The following SYNDIG1 variants were observed in gnomAD, a reference collection of about 807,000 sequenced individuals.
SYNDIG1 encodes the protein synapse differentiation inducing 1, also known as synapse differentiation-inducing gene protein 1.
SYNDIG1 carries 9 observed loss-of-function variants against 19.4 expected under a neutral mutation model. The ratio of observed to expected loss-of-function variants is 0.46; its 90% confidence interval spans 0.28 to 0.81. SYNDIG1 has a LOEUF of 0.81. Among genes scored for constraint, SYNDIG1 ranks in the 30% least tolerant of loss-of-function variants. The pLI, the probability that SYNDIG1 is intolerant of heterozygous loss-of-function variation, is 0.12. For synonymous variants in SYNDIG1, 141 were observed against 145.9 expected, an observed-to-expected ratio of 0.97 and a Z score of 0.24; for missense variants, 311 against 343.3, an observed-to-expected ratio of 0.91 and a Z score of 0.74.
rs772546333 is a variant in SYNDIG1, at chr20:24,543,362, CCCA to C, written c.266_268del (p.Pro89_Asn90delinsHis). On this transcript the variant is annotated inframe_deletion, in exon 2 of 4. Transcript: ENST00000376862. The stretch of plus-strand genomic sequence containing the variant: ...GCAGTCAGTGGAGTCCCGCTACCGG[CCCA>C]ACATCATCCTCTATTCAGAGGGCGT... The C allele has an allele frequency of 4.3e-6, 7 of 1,613,526 alleles. No homozygotes were observed. The African/African-American group carries it at 6.7e-5, about 15-fold the overall frequency.
intron 2 of SYNDIG1, among the ~76,000 whole-genome samples, chr20:24,577,734 A>G (rs6114782): frequency 0.03 from 4,610 of 152,304 alleles, 171 homozygotes; most frequent in African/African-American, 0.09. Flanking sequence ...TGGAGCCACC[A>G]TAAATAAGAC....
chr20:24,471,475 T>G (rs913107892), intron 1 of SYNDIG1, among the ~76,000 whole-genome samples: 2 of 151,100 alleles, frequency 1.3e-5, no homozygotes, highest in African/African-American at 4.9e-5. Context: ...AATTCCTCCC[T>G]CCCCTCTCTC....
chr20:24,481,493 A>C (rs560353111), intron 1 of SYNDIG1, among the ~76,000 whole-genome samples: 1 of 152,206 alleles, frequency 6.6e-6, no homozygotes, highest in Non-Finnish European at 1.5e-5. Context: ...GAGTGTGAAC[A>C]TGGTCAAGAC....
At chr20:24,609,764 G>T (rs2058817639) in intron 3 of SYNDIG1, among the ~76,000 whole-genome samples, 2 of 151,990 alleles carry the variant, frequency 1.3e-5, no homozygotes, top group South Asian at 4.2e-4. Flanking sequence ...CATGGTTTGG[G>T]GCCACCTTAA....
chr20:24,505,298 T>C (rs893637623), intron 1 of SYNDIG1, among the ~76,000 whole-genome samples: 1 of 152,128 alleles, frequency 6.6e-6, no homozygotes, highest in Non-Finnish European at 1.5e-5. Context: ...GGGGAAATTC[T>C]CTCAAGGAGA....
At chr20:24,605,693 AT>A (rs199962490) in intron 3 of SYNDIG1, among the ~76,000 whole-genome samples, 2 of 151,836 alleles carry the variant, frequency 1.3e-5, no homozygotes, top group Admixed American at 1.3e-4. Context: ...GATTGGATAG[AT>A]TTTTTTTTCC....
chr20:24,471,080 C>T (rs1292714784), intron 1 of SYNDIG1, among the ~76,000 whole-genome samples: 2 of 152,104 alleles, frequency 1.3e-5, no homozygotes, highest in East Asian at 1.9e-4. Flanking sequence ...TACAGCCCAG[C>T]GTGTTTGGTC....
chr20:24,539,919 C>G (rs945623421), intron 1 of SYNDIG1, among the ~76,000 whole-genome samples: 20 of 152,198 alleles, frequency 1.3e-4, no homozygotes, highest in African/African-American at 4.6e-4. Context: ...GCTGGGATTA[C>G]AGGCGCCCAC....
At position 24,665,719 on chromosome 20, in the gene SYNDIG1, T is replaced by C; in HGVS notation, c.*215T>C. ...CAGACAGACGGGCACTGCTAATCCTTCCAAAGGAAAGCTCCAAAGATCCCA... is the reference window on the plus strand; with the variant it reads ...CAGACAGACGGGCACTGCTAATCCTCCCAAAGGAAAGCTCCAAAGATCCCA... On this transcript the variant is annotated 3_prime_UTR_variant, in exon 4 of 4. Transcript: ENST00000376862. The C allele has an allele frequency of 1.7e-6, 1 of 586,842 alleles. No individual in the cohort carries two copies. The allele number at this position is 586,842 out of a possible 1,614,324, so 36.4% of individuals were successfully genotyped here. A position where few individuals can be genotyped will look rare whatever the true frequency, so the allele number is the denominator to read the frequency against.
At chr20:24,589,817 G>A (rs1212089570) in intron 3 of SYNDIG1, among the ~76,000 whole-genome samples, 2 of 152,182 alleles carry the variant, frequency 1.3e-5, no homozygotes, top group African/African-American at 4.8e-5. Flanking sequence ...AAAGGGAATT[G>A]GGCAAACTAG....
chr20:24,498,870 G>A (rs190660490), intron 1 of SYNDIG1, among the ~76,000 whole-genome samples: 1 of 152,262 alleles, frequency 6.6e-6, no homozygotes, highest in Admixed American at 6.5e-5. Context: ...AATGCTGCAG[G>A]GAACACGGGT....
chr20:24,473,450 C>T (rs1406730770), intron 1 of SYNDIG1, among the ~76,000 whole-genome samples: 1 of 152,220 alleles, frequency 6.6e-6, no homozygotes, highest in Non-Finnish European at 1.5e-5. Context: ...TGTGGTTTCT[C>T]AGCATTCTCT....
chr20:24,624,917 T>C (rs1231551869), intron 3 of SYNDIG1, among the ~76,000 whole-genome samples: 1 of 152,156 alleles, frequency 6.6e-6, no homozygotes, highest in Non-Finnish European at 1.5e-5. Context: ...TCTCAAATAT[T>C]TGGAACTTAG....
chr20:24,585,015 G>T, intron 3 of SYNDIG1, 22 bp downstream of exon 3: 1 of 1,604,430 alleles, frequency 6.2e-7, no homozygotes, highest in Non-Finnish European at 8.5e-7. Context: ...TTGGTCTGTC[G>T]CACGTGGTGT....
rs75957622 is a variant in SYNDIG1, at chr20:24,609,323, G to A, written c.618+24330G>A. 8.0e-3 allele frequency among the ~76,000 whole-genome samples: 1,212 copies of A among 152,288 alleles called. 5 individuals are homozygous for A. The highest frequency in any genetic ancestry group is 0.02 in the Middle Eastern group (6 of 294). On this transcript the variant is annotated intron_variant, in intron 3 of 3. Transcript: ENST00000376862. ...GAGGTTGTGCTTTGACGTGGAAGGC[G>A]GATGTGGGATGCTCTTTGCTTTTCT... is the stretch of plus-strand genomic sequence containing the variant.
At chr20:24,656,260 A>G (rs2059525189) in intron 3 of SYNDIG1, among the ~76,000 whole-genome samples, 1 of 152,222 alleles carries the variant, frequency 6.6e-6, no homozygotes, top group African/African-American at 2.4e-5. Context: ...AGAAGAATGA[A>G]GGGCACAGGA....
chr20:24,587,944 G>A (rs1003324740), intron 3 of SYNDIG1, among the ~76,000 whole-genome samples: 24 of 152,190 alleles, frequency 1.6e-4, no homozygotes, highest in African/African-American at 5.1e-4. Context: ...TGAAGTCAAA[G>A]GAACATGCCA....
chr20:24,661,397 GGAGGTAGGAAAGAA>G (rs2059588465), intron 3 of SYNDIG1, among the ~76,000 whole-genome samples: 1 of 141,032 alleles, frequency 7.1e-6, no homozygotes, highest in African/African-American at 2.6e-5. Flanking sequence ...GAAAGAGGGA[GGAGGTAGGAAAGAA>G]GGAGGAGTTA....
chr20:24,561,348 T>C (rs527408661), intron 2 of SYNDIG1, among the ~76,000 whole-genome samples: 2 of 152,286 alleles, frequency 1.3e-5, no homozygotes, highest in South Asian at 4.1e-4. Context: ...TTCCTGGTTG[T>C]CCTCCAATTT....
Sources: allele counts gnomAD v4.1 joint callset (sites outside exome capture counted in the v4.1 genomes callset), GRCh38; gene constraint gnomAD v4.1.1; transcripts MANE v1.5; gene names NCBI Gene and HGNC (gene_info 2026-07-23, HGNC 2026-07-21).